Variants in TIPRL observed in about 807,000 individuals in gnomAD.
TIPRL encodes TIP41-like protein.
TIPRL carries 10 observed loss-of-function variants against 32.3 expected under a neutral mutation model. That is an observed-to-expected ratio of 0.31 (90% CI 0.19 to 0.52). The LOEUF (loss-of-function observed/expected upper bound fraction) is 0.52. Among genes scored for constraint, TIPRL ranks in the 20% least tolerant of loss-of-function variants. The pLI, the probability that TIPRL is intolerant of heterozygous loss-of-function variation, is 0.96. For synonymous variants in TIPRL, 100 were observed against 114.0 expected, an observed-to-expected ratio of 0.88 and a Z score of 0.78; for missense variants, 250 against 328.1, an observed-to-expected ratio of 0.76 and a Z score of 1.84.
intron 1 of TIPRL, among the ~76,000 whole-genome samples, chr1:168,182,471 C>A (rs1699979520): frequency 6.6e-6 from 1 of 152,028 alleles, no homozygotes; most frequent in African/African-American, 2.4e-5. Flanking sequence ...ACTAAAAATA[C>A]AAAAATTAGC....
At chr1:168,187,459 A>T (rs1700041095) in intron 3 of TIPRL, among the ~76,000 whole-genome samples, 1 of 152,172 alleles carries the variant, frequency 6.6e-6, no homozygotes, top group African/African-American at 2.4e-5. Context: ...TCCTATTGAT[A>T]CTTCAGCCTA....
At chr1:168,194,812 A>G (rs1338078704) in intron 4 of TIPRL, among the ~76,000 whole-genome samples, 1 of 152,236 alleles carries the variant, frequency 6.6e-6, no homozygotes, top group African/African-American at 2.4e-5. Flanking sequence ...GCTGTGTGCT[A>G]GGTACTTTTC....
chr1:168,182,749 C>T (rs1699983424), intron 1 of TIPRL, among the ~76,000 whole-genome samples: 1 of 152,204 alleles, frequency 6.6e-6, no homozygotes. Context: ...AGGACTGCCA[C>T]ATTTTTCCAG....
intron 3 of TIPRL, among the ~76,000 whole-genome samples, chr1:168,187,371 G>A (rs1283384369): frequency 6.6e-6 from 1 of 152,236 alleles, no homozygotes; most frequent in African/African-American, 2.4e-5. Context: ...AGCATTAGGT[G>A]TGACCAAGTG....
chr1:168,194,340 A>G (rs1201829098), intron 4 of TIPRL, among the ~76,000 whole-genome samples: 1 of 152,168 alleles, frequency 6.6e-6, no homozygotes, highest in Non-Finnish European at 1.5e-5. Flanking sequence ...TTGATGTGAC[A>G]AGAAAAAGTA....
rs75582124 is a variant in TIPRL at position 168,196,542 on chromosome 1, T to C, written c.517-5T>C. On this transcript the variant is annotated splice_region_variant and splice_polypyrimidine_tract_variant and intron_variant, in intron 4 of 6. Transcript: ENST00000367833. The stretch of plus-strand genomic sequence containing the variant: ...ATATTAATGTACCTTTTTTTTTTTT[T>C]CCAGAGAGTAATGCCTTCTAGCTTT... The C allele has an allele frequency of 2.2e-5, 33 of 1,493,188 alleles. No individual in the cohort carries two copies. The highest frequency in any genetic ancestry group is 9.2e-5 in the Admixed American group (4 of 43,628). The allele number at this position is 1,493,188 out of a possible 1,614,324, so 92.5% of individuals were successfully genotyped here. A position where few individuals can be genotyped will look rare whatever the true frequency, so the allele number is the denominator to read the frequency against.
In TIPRL at chr1:168,184,096, A is replaced by T. The variant is rs369681691; in HGVS notation, c.284+15A>T. On this transcript the variant is annotated intron_variant, in intron 2 of 6. Transcript: ENST00000367833. ...CAAGAAAGCAGGTGAGAATCCGGTC[A>T]ATTAGGTTAAACAAAAAAGGTAATT... 2.5e-6 allele frequency: 4 copies of T among 1,593,696 alleles called. No individual in the cohort carries two copies. The African/African-American group carries it at 5.4e-5, about 21-fold the overall frequency.
At position 168,196,528 on chromosome 1, in the gene TIPRL, CCT is replaced by C; in HGVS notation, c.517-18_517-17del. The C allele has an allele frequency of 1.5e-6, 2 of 1,329,656 alleles. No individual in the cohort carries two copies. The highest frequency in any genetic ancestry group is 2.0e-6 in the Non-Finnish European group (2 of 1,007,908). The allele number at this position is 1,329,656 out of a possible 1,614,324, so 82.4% of individuals were successfully genotyped here. A position where few individuals can be genotyped will look rare whatever the true frequency, so the allele number is the denominator to read the frequency against. ...TAATTTTTATTAAAATATTAATGTA[CCT>C]TTTTTTTTTTTTCCAGAGAGTAATG... On this transcript the variant is annotated splice_polypyrimidine_tract_variant and intron_variant, in intron 4 of 6. Transcript: ENST00000367833.
In TIPRL at chr1:168,193,813, T is replaced by G. The variant is rs574115649; in HGVS notation, c.516+2313T>G. On this transcript the variant is annotated intron_variant, in intron 4 of 6. Transcript: ENST00000367833. ...TTTGTAGATGATTTAATCCACCTAC[T>G]TTGCAGCAATCAACATATTTTAACT... is the stretch of plus-strand genomic sequence containing the variant. Among the ~76,000 whole-genome samples, 13 of 152,342 alleles carry G rather than the reference T, an allele frequency of 8.5e-5. 1 individual carries two copies. In the South Asian group the frequency reaches 2.7e-3, roughly 32 times the overall value.
chr1:168,179,232 G>T lies in TIPRL; in HGVS notation c.104+51G>T, dbSNP rs1315828226. The T allele has an allele frequency of 5.1e-6, 8 of 1,565,392 alleles. No individual in the cohort carries two copies. In the East Asian group the frequency reaches 1.8e-4, roughly 35 times the overall value. On this transcript the variant is annotated intron_variant, in intron 1 of 6. Transcript: ENST00000367833. ...GGCGCTGGCCGGTTGCTGGCCCAGG[G>T]CGGGAGGCAGGGCGAACTCTGTGCA...
rs1700202607 is a variant in TIPRL, at chr1:168,200,935, A to G, written c.*889A>G. The G allele has an allele frequency of 6.6e-6, 1 of 152,194 alleles. No individual in the cohort carries two copies. Among genetic ancestry groups the G allele is most frequent in the African/African-American group, 2.4e-5 (1 of 41,460 alleles). The allele number at this position is 152,194 out of a possible 1,614,324, so 9.4% of individuals were successfully genotyped here. The stretch of plus-strand genomic sequence containing the variant: ...CAACAAGATTAATTTTCTGCTTAAA[A>G]TATTTGGGAAGATAGGTAAGGAGGA... On this transcript the variant is annotated 3_prime_UTR_variant, in exon 7 of 7. Coordinates refer to ENST00000367833, the MANE Select transcript of TIPRL (RefSeq NM_152902.5).
At chr1:168,194,645 A>T (rs1334070436) in intron 4 of TIPRL, among the ~76,000 whole-genome samples, 1 of 152,248 alleles carries the variant, frequency 6.6e-6, no homozygotes, top group East Asian at 1.9e-4. Context: ...GTCATAAGTC[A>T]GGTTATTTCT....
intron 3 of TIPRL, among the ~76,000 whole-genome samples, chr1:168,186,081 A>G (rs1328888199): frequency 6.8e-6 from 1 of 147,172 alleles, no homozygotes; most frequent in East Asian, 2.0e-4. Flanking sequence ...TCTCAAAAAA[A>G]AAAAAAAAAA....
chr1:168,190,109 C>T (rs1229353096), intron 3 of TIPRL, among the ~76,000 whole-genome samples: 1 of 152,158 alleles, frequency 6.6e-6, no homozygotes, highest in Non-Finnish European at 1.5e-5. Context: ...AGGCAGTCCT[C>T]GTTGGCAGAC....
At chr1:168,185,628 G>C (rs1700017088) in intron 3 of TIPRL, among the ~76,000 whole-genome samples, 1 of 151,420 alleles carries the variant, frequency 6.6e-6, no homozygotes, top group South Asian at 2.1e-4. Context: ...AAATTAGCTG[G>C]GTGTGGTGGC....
At chr1:168,181,369 G>A (rs1391180257) in intron 1 of TIPRL, among the ~76,000 whole-genome samples, 1 of 150,988 alleles carries the variant, frequency 6.6e-6, no homozygotes, top group African/African-American at 2.4e-5. Flanking sequence ...GCATCACCAC[G>A]CCCAGCTAAT....
At chr1:168,181,828 AG>A (rs1296478513) in intron 1 of TIPRL, among the ~76,000 whole-genome samples, 2 of 151,508 alleles carry the variant, frequency 1.3e-5, no homozygotes, top group Non-Finnish European at 2.9e-5. Context: ...TGGGAGGCTG[AG>A]GCAGGCGGAT....
Position 168,182,875 on chromosome 1 carries a change from G to A in TIPRL, c.105-1027G>A, listed in dbSNP as rs367864752. 5.3e-5 allele frequency among the ~76,000 whole-genome samples: 8 copies of A among 152,102 alleles called. No individual in the cohort carries two copies. The East Asian group carries it at 1.4e-3, about 26-fold the overall frequency. On this transcript the variant is annotated intron_variant, in intron 1 of 6. Transcript: ENST00000367833. The stretch of plus-strand genomic sequence containing the variant: ...ATATATATTCCAATTACAGTTTATT[G>A]TATCTAATCTTTTAAGTATTTAATA...
At chr1:168,181,767 A>C (rs184288713) in intron 1 of TIPRL, among the ~76,000 whole-genome samples, 1 of 151,866 alleles carries the variant, frequency 6.6e-6, no homozygotes, top group Non-Finnish European at 1.5e-5. Flanking sequence ...TTTTAAAAAC[A>C]AATTTGCCTG....
Sources: gnomAD v4.1 joint callset for allele counts (sites outside exome capture counted in the v4.1 genomes callset) on GRCh38, gnomAD v4.1.1 for gene constraint, MANE v1.5 for transcripts, NCBI Gene and HGNC (gene_info 2026-07-23, HGNC 2026-07-21) for gene names.